PHC3: variants seen among roughly 807,000 people sequenced by gnomAD.
PHC3 encodes the protein polyhomeotic homolog 3, also known as polyhomeotic-like protein 3.
In PHC3, 13 loss-of-function variants were observed where a neutral mutation model predicts 107.4. The observed-to-expected ratio is 0.12, with a 90% CI of 0.08 to 0.19. The LOEUF is 0.19. Among genes scored for constraint, PHC3 ranks in the 10% least tolerant of loss-of-function variants. The pLI is 1.00. For synonymous variants in PHC3, 456 were observed against 427.4 expected (o/e 1.07, Z -0.83); for missense variants, 992 against 1,210.9 (o/e 0.82, Z 2.68).
intron 4 of PHC3, chr3:170,149,910 C>G (rs1410687883): frequency 6.6e-6 from 1 of 152,138 alleles, no homozygotes; most frequent in Non-Finnish European, 1.5e-5. Context: ...ATGGCTCCTG[C>G]CCAAAAATGA....
At chr3:170,158,441 A>C (rs1727245047) in intron 4 of PHC3, among the ~76,000 whole-genome samples, 1 of 151,906 alleles carries the variant, frequency 6.6e-6, no homozygotes, top group Non-Finnish European at 1.5e-5. Context: ...TCTCCACTAA[A>C]AATACAAAAA....
chr3:170,112,531 T>C (rs1014392878), intron 11 of PHC3, among the ~76,000 whole-genome samples: 1 of 148,684 alleles, frequency 6.7e-6, no homozygotes, highest in Non-Finnish European at 1.5e-5. Context: ...CCTATTTTTT[T>C]TTTTTTTTTT....
intron 9 of PHC3, 100 bp from the exon 10 acceptor site, chr3:170,117,576 T>C: frequency 8.1e-7 from 1 of 1,229,316 alleles, no homozygotes; most frequent in African/African-American, 1.5e-5. Flanking sequence ...AGTTAATATC[T>C]GGTACTTTCA....
intron 2 of PHC3, among the ~76,000 whole-genome samples, chr3:170,175,890 C>T (rs938516149): frequency 3.3e-5 from 5 of 149,708 alleles, no homozygotes; most frequent in African/African-American, 4.9e-5. Context: ...CGCCACTGCA[C>T]TCCAGCGTGG....
chr3:170,142,088 G>A (rs1434140421), intron 6 of PHC3, among the ~76,000 whole-genome samples: 1 of 152,066 alleles, frequency 6.6e-6, no homozygotes, highest in Non-Finnish European at 1.5e-5. Flanking sequence ...ACAATGCTGA[G>A]CTGCAAGTAA....
chr3:170,102,364 A>C (rs1033321870), intron 14 of PHC3, 115 bp downstream of exon 14: 3 of 1,468,874 alleles, frequency 2.0e-6, no homozygotes, highest in African/African-American at 2.8e-5. Flanking sequence ...CATTTTATTT[A>C]TACATATACA....
At chr3:170,172,533 C>T in intron 3 of PHC3, 24 bp downstream of exon 3, 2 of 1,604,092 alleles carry the variant, frequency 1.2e-6, no homozygotes. Flanking sequence ...ACTTTGATCT[C>T]ATAAACTCTT....
chr3:170,114,771 T>G (rs1275478958), intron 10 of PHC3, among the ~76,000 whole-genome samples: 1 of 152,244 alleles, frequency 6.6e-6, no homozygotes, highest in Non-Finnish European at 1.5e-5. Context: ...GAACATCTTA[T>G]TCCTCAAGAA....
At chr3:170,162,872 G>GC (rs1311834405) in intron 4 of PHC3, among the ~76,000 whole-genome samples, 24 of 152,202 alleles carry the variant, frequency 1.6e-4, no homozygotes, top group African/African-American at 5.8e-4. Context: ...CCTCCTTTCT[G>GC]TTCCCTGTGC....
chr3:170,149,005 CCT>C (rs1725463634), intron 5 of PHC3, 79 bp downstream of exon 5: 1 of 1,356,012 alleles, frequency 7.4e-7, no homozygotes, highest in Non-Finnish European at 1.0e-6. Context: ...ATTAAAAATA[CCT>C]CTTATTGTAT....
At position 170,164,044 on chromosome 3, in the gene PHC3, CAA is replaced by C. The variant is rs376187246; in HGVS notation, c.414+7327_414+7328del. 1.3e-3 allele frequency among the ~76,000 whole-genome samples: 204 copies of C among 151,936 alleles called. 5 individuals carry two copies. In the South Asian group the frequency reaches 0.041, roughly 31 times the overall value. On this transcript the variant is annotated intron_variant, in intron 4 of 14. Coordinates refer to ENST00000495893, the MANE Select transcript of PHC3 (RefSeq NM_024947.4). ...GCGAGACCCCTTCTCTATAAAAAAACAAACAAAAATAGCTGGGTGTGGAGGCA... is the reference window on the plus strand; with the variant it reads ...GCGAGACCCCTTCTCTATAAAAAAACACAAAAATAGCTGGGTGTGGAGGCA...
rs1371377360 is a variant in PHC3 at position 170,094,912 on chromosome 3, C to G, written c.*2318G>C. On this transcript the variant is annotated 3_prime_UTR_variant, in exon 15 of 15. Transcript: ENST00000495893. ...GGAAAGAGAACAAATAAAAGGAGAG[C>G]CTACAACACAGTTCAAAATTGATAC... 6.6e-6 allele frequency: 1 copy of G among 152,042 alleles called. No individual in the cohort carries two copies. Among genetic ancestry groups the G allele is most frequent in the South Asian group, 2.1e-4 (1 of 4,828 alleles). The allele number at this position is 152,042 out of a possible 1,614,324, so 9.4% of individuals were successfully genotyped here.
intron 8 of PHC3, among the ~76,000 whole-genome samples, chr3:170,125,806 G>C (rs1044470151): frequency 2.0e-5 from 3 of 152,138 alleles, no homozygotes; most frequent in African/African-American, 7.2e-5. Flanking sequence ...GGCACAATCA[G>C]CATTAACAAA....
Position 170,102,790 on chromosome 3 carries a change from G to A in PHC3, c.2601+12C>T. 1.2e-6 allele frequency: 2 copies of A among 1,613,894 alleles called. No homozygotes were observed. The highest frequency in any genetic ancestry group is 1.3e-5 in the African/African-American group (1 of 75,040). On this transcript the variant is annotated intron_variant, in intron 13 of 14. Coordinates refer to ENST00000495893, the MANE Select transcript of PHC3 (RefSeq NM_024947.4). ...AAAGGGTATTTTACATTGAAGCAAG[G>A]TTTATACAGACCTGCCTAAGGATAT...
At chr3:170,120,419 C>T (rs1391638771) in intron 9 of PHC3, among the ~76,000 whole-genome samples, 1 of 151,834 alleles carries the variant, frequency 6.6e-6, no homozygotes, top group Non-Finnish European at 1.5e-5. Flanking sequence ...AACCCCGTGT[C>T]CACTAAAATA....
At chr3:170,119,907 G>T (rs77177710) in intron 9 of PHC3, among the ~76,000 whole-genome samples, 1,856 of 152,024 alleles carry the variant, frequency 0.012, 40 homozygotes, top group African/African-American at 0.042. Context: ...AGGTAAATTA[G>T]AGGAAGATGC....
chr3:170,157,361 TAAG>T (rs1727054405), intron 4 of PHC3, among the ~76,000 whole-genome samples: 1 of 152,220 alleles, frequency 6.6e-6, no homozygotes, highest in African/African-American at 2.4e-5. Context: ...TGGAACCAAC[TAAG>T]AAGACAGACG....
chr3:170,156,547 C>T (rs1456517832), intron 4 of PHC3, among the ~76,000 whole-genome samples: 1 of 151,830 alleles, frequency 6.6e-6, no homozygotes, highest in African/African-American at 2.4e-5. Context: ...CCATCGCACC[C>T]GGACTTTTAA....
chr3:170,092,005 G>C lies in PHC3; in HGVS notation c.*5225C>G, dbSNP rs1159526985. ...GACGTATCTTCCCAAATAATTTTTT[G>C]TTTTGTTTTTTTGAGATGGAGTCTC... On this transcript the variant is annotated 3_prime_UTR_variant, in exon 15 of 15. Transcript: ENST00000495893. The C allele has an allele frequency of 2.0e-5, 3 of 151,876 alleles. No homozygotes were observed. Among genetic ancestry groups the C allele is most frequent in the Admixed American group, 6.6e-5 (1 of 15,246 alleles). The allele number at this position is 151,876 out of a possible 1,614,324, so 9.4% of individuals were successfully genotyped here.
Sources: gnomAD v4.1 joint callset for allele counts (sites outside exome capture counted in the v4.1 genomes callset) on GRCh38, gnomAD v4.1.1 for gene constraint, MANE v1.5 for transcripts, NCBI Gene and HGNC (gene_info 2026-07-23, HGNC 2026-07-21) for gene names.